Variants in CHLSN observed in about 807,000 individuals in gnomAD.
The protein encoded by CHLSN is protein cholesin.
At chr7:1,118,813 A>G in the CHLSN span, among the ~76,000 whole-genome samples, 1 of 147,204 alleles carries the variant, frequency 6.8e-6, no homozygotes, top group Non-Finnish European at 1.5e-5. Context: ...AAAAAAAAAA[A>G]AAAAAAAAAA....
the CHLSN span, chr7:987,247 T>C: frequency 6.6e-7 from 1 of 1,518,576 alleles, no homozygotes; most frequent in East Asian, 2.5e-5. Context: ...ACGTGCAGGG[T>C]GAGACCCCGG....
At chr7:1,057,513 G>A in the CHLSN span, 11 of 765,270 alleles carry the variant, frequency 1.4e-5, no homozygotes, top group Admixed American at 1.0e-4. Context: ...CTCGCCGGCC[G>A]CCATGTGGAG....
the CHLSN span, among the ~76,000 whole-genome samples, chr7:1,118,403 G>A: frequency 6.6e-6 from 1 of 152,138 alleles, no homozygotes; most frequent in Non-Finnish European, 1.5e-5. Context: ...TTAGCTCTAA[G>A]ATCAACATCC....
chr7:1,009,871 C>A, the CHLSN span: 1 of 1,234,032 alleles, frequency 8.1e-7, no homozygotes, highest in Non-Finnish European at 1.1e-6. Context: ...ACAGTGTGTG[C>A]GAGTGAAGGC....
chr7:1,093,273 T>C, the CHLSN span: 1 of 442,268 alleles, frequency 2.3e-6, no homozygotes, highest in Non-Finnish European at 4.7e-6. Flanking sequence ...AAAGCAAATC[T>C]GCCACCGTGG....
chr7:1,131,274 A>C, the CHLSN span, among the ~76,000 whole-genome samples: 3 of 151,710 alleles, frequency 2.0e-5, no homozygotes, highest in Non-Finnish European at 4.4e-5. Flanking sequence ...TCATCATGGA[A>C]AGGGCCTGGC....
At chr7:1,115,321 T>G in the CHLSN span, among the ~76,000 whole-genome samples, 6 of 152,200 alleles carry the variant, frequency 3.9e-5, no homozygotes, top group Admixed American at 2.0e-4. Context: ...CTGCCCACCC[T>G]TCGGGAAACG....
the CHLSN span, among the ~76,000 whole-genome samples, chr7:1,097,739 G>A: frequency 7.1e-4 from 108 of 152,254 alleles, 1 homozygote; most frequent in African/African-American, 2.3e-3. This position sits in a 1 kb window ranked among gnomAD's most constrained non-coding sequence, Gnocchi z 4.3. Flanking sequence ...ACAGCCCCTC[G>A]CTGGGTGATC....
chr7:1,022,548 C>G, the CHLSN span, among the ~76,000 whole-genome samples: 1 of 152,144 alleles, frequency 6.6e-6, no homozygotes, highest in Non-Finnish European at 1.5e-5. Context: ...ACACGGGACG[C>G]CCACGTGCCC....
At chr7:1,001,114 C>G in the CHLSN span, among the ~76,000 whole-genome samples, 3 of 152,154 alleles carry the variant, frequency 2.0e-5, no homozygotes, top group Non-Finnish European at 4.4e-5. Context: ...GCGGATGGAG[C>G]GAAGCTGGCG....
the CHLSN span, among the ~76,000 whole-genome samples, chr7:1,006,311 C>T: frequency 7.0e-4 from 106 of 152,220 alleles, no homozygotes; most frequent in Admixed American, 1.3e-3. Flanking sequence ...GAGCACACGA[C>T]GGCCACAGTG....
At chr7:1,091,992 C>A in the CHLSN span, 2 of 1,613,962 alleles carry the variant, frequency 1.2e-6, no homozygotes, top group Non-Finnish European at 1.7e-6. Flanking sequence ...TCAGCTTCCG[C>A]GAGAAGATGA....
At chr7:1,067,365 AC>A in the CHLSN span, among the ~76,000 whole-genome samples, 1 of 33,538 alleles carries the variant, frequency 3.0e-5, no homozygotes, top group Non-Finnish European at 5.8e-5. Context: ...GCTGCAGTGC[AC>A]CCCAGAGGTG....
chr7:1,009,940 G>A, the CHLSN span: 2 of 1,536,432 alleles, frequency 1.3e-6, no homozygotes, highest in Non-Finnish European at 1.7e-6. Context: ...CGTGGGGCAG[G>A]GCCGCTCACC....
the CHLSN span, among the ~76,000 whole-genome samples, chr7:1,134,524 G>A: frequency 1.5e-4 from 22 of 151,624 alleles, 1 homozygote; most frequent in Admixed American, 1.2e-3. Context: ...AGCCGAGATC[G>A]CGCCACTGCA....
the CHLSN span, chr7:986,852 C>G: frequency 6.2e-6 from 9 of 1,447,170 alleles, no homozygotes; most frequent in Admixed American, 8.0e-5. Flanking sequence ...GAGGGACACC[C>G]CAGGGGAGCA....
At chr7:989,171 C>T in the CHLSN span, 6 of 310,986 alleles carry the variant, frequency 1.9e-5, no homozygotes, top group African/African-American at 1.1e-4. Context: ...TGCAGGGAGA[C>T]AACGGGTGGC....
chr7:1,000,663 AC>A, the CHLSN span: 2 of 809,932 alleles, frequency 2.5e-6, no homozygotes, highest in Non-Finnish European at 4.0e-6. Context: ...CCCACCAGGT[AC>A]TACACACCAA....
chr7:1,030,759 C>A, the CHLSN span, among the ~76,000 whole-genome samples: 1 of 150,424 alleles, frequency 6.6e-6, no homozygotes, highest in Non-Finnish European at 1.5e-5. Flanking sequence ...TCCCGGGGCA[C>A]GCGGGGACTC....
Sources: gnomAD v4.1 joint callset for allele counts (sites outside exome capture counted in the v4.1 genomes callset) on GRCh38, gnomAD v4.1.1 for gene constraint, Gnocchi (gnomAD v3.1) non-coding constraint, MANE v1.5 for transcripts, NCBI Gene and HGNC (gene_info 2026-07-23, HGNC 2026-07-21) for gene names.